PCLO: variants seen among roughly 807,000 people sequenced by gnomAD.
PCLO encodes piccolo presynaptic cytomatrix protein.
PCLO carries 82 observed loss-of-function variants against 427.5 expected under a neutral mutation model. That is an observed-to-expected ratio of 0.19 (90% CI 0.16 to 0.23). The LOEUF (loss-of-function observed/expected upper bound fraction) is 0.23. Among genes scored for constraint, PCLO ranks in the 10% least tolerant of loss-of-function variants. The pLI is 1.00. For synonymous variants in PCLO, 2,357 were observed against 2,155.4 expected (o/e 1.09, Z -2.59); for missense variants, 6,239 against 6,115.9 (o/e 1.02, Z -0.67).
intron 3 of PCLO, among the ~76,000 whole-genome samples, chr7:83,044,274 C>T (rs746514633): frequency 1.2e-4 from 18 of 152,136 alleles, no homozygotes; most frequent in South Asian, 2.1e-4. Flanking sequence ...CCACACATGG[C>T]GATTACAATT....
rs149539060 is a variant in PCLO, at chr7:82,770,103, C to A, written c.15008-8610G>T. Reference sequence around the variant, plus strand: ...TTGATTTTCCTTCCTTTTATTGTTTCTATTCTACCAGTTTCAAGCCTAGGT... The same window carrying A: ...TTGATTTTCCTTCCTTTTATTGTTTATATTCTACCAGTTTCAAGCCTAGGT... On this transcript the variant is annotated intron_variant, in intron 22 of 24. Transcript: ENST00000333891. 4.6e-3 allele frequency among the ~76,000 whole-genome samples: 693 copies of A among 152,098 alleles called. 1 individual carries two copies. Among genetic ancestry groups the A allele is most frequent in the African/African-American group, 0.016 (661 of 41,538 alleles).
intron 7 of PCLO, among the ~76,000 whole-genome samples, chr7:82,910,654 A>G (rs961774338): frequency 3.3e-5 from 5 of 152,180 alleles, no homozygotes; most frequent in African/African-American, 9.6e-5. Context: ...TTAGTCATCA[A>G]CTAGAAAAAG....
chr7:82,955,352 T>C lies in PCLO; in HGVS notation c.5601A>G (p.Pro1867=), dbSNP rs1795485213. The part of the protein sequence containing the change: ...SEYSPSIESD[P]EGFEISPEKI... ...TTTCCGGGCTTATTTCAAAACCTTCTGGGTCTGACTCTATGCTAGGTGAAT... is the reference window on the plus strand; with the variant it reads ...TTTCCGGGCTTATTTCAAAACCTTCCGGGTCTGACTCTATGCTAGGTGAAT... The change falls in exon 5 of 25, where the codon CCA becomes CCG. Residue 1867 remains proline, a synonymous_variant. Transcript: ENST00000333891. The C allele has an allele frequency of 1.2e-6, 2 of 1,613,804 alleles. No individual in the cohort carries two copies. Among genetic ancestry groups the C allele is most frequent in the Non-Finnish European group, 1.7e-6 (2 of 1,179,792 alleles).
intron 3 of PCLO, among the ~76,000 whole-genome samples, chr7:83,013,050 T>A (rs1174121272): frequency 6.6e-6 from 1 of 152,158 alleles, no homozygotes; most frequent in African/African-American, 2.4e-5. Flanking sequence ...GCTCTCAATA[T>A]ACACCTTGCT....
chr7:83,057,463 G>A (rs1418009881), intron 3 of PCLO, among the ~76,000 whole-genome samples: 6 of 139,124 alleles, frequency 4.3e-5, no homozygotes, highest in African/African-American at 1.1e-4. Context: ...CTGGGTTCAC[G>A]CCATTCTCCT....
At chr7:83,120,822 T>G (rs1791258369) in intron 3 of PCLO, among the ~76,000 whole-genome samples, 1 of 152,160 alleles carries the variant, frequency 6.6e-6, no homozygotes, top group Admixed American at 6.5e-5. Context: ...AGACCTGTCT[T>G]ATAAGAAATC....
Position 82,916,090 on chromosome 7 carries a change from T to C in PCLO, c.11896A>G (p.Thr3966Ala). The C allele has an allele frequency of 6.2e-7, 1 of 1,613,580 alleles. No homozygotes were observed. Among genetic ancestry groups the C allele is most frequent in the Non-Finnish European group, 8.5e-7 (1 of 1,179,758 alleles). The change falls in exon 7 of 25, where the codon ACT (threonine) becomes GCT (alanine). Residue 3966 changes from threonine (T) to alanine (A), a missense_variant. By Grantham distance (58) the Thr-to-Ala change is moderately conservative (BLOSUM62 0). Around this residue, in one of 5 missense-constraint regions of PCLO, gnomAD observed 680 missense variants for 677.3 expected, o/e 1.00. Coordinates refer to ENST00000333891, the MANE Select transcript of PCLO (RefSeq NM_033026.6). Reference protein sequence around the residue: ...MMVIQQKPRQTTLYLEPKITS... With the variant: ...MMVIQQKPRQATLYLEPKITS... ...ATCTTGGGCTCCAAATATAATGTAG[T>C]TTGCCGTGGCTTCTGTTGTATCACC...
chr7:82,873,304 C>T (rs975282898), intron 10 of PCLO, among the ~76,000 whole-genome samples: 1 of 151,450 alleles, frequency 6.6e-6, no homozygotes, highest in African/African-American at 2.4e-5. Context: ...ATCCCCCATC[C>T]ACACTCCCGT....
intron 22 of PCLO, among the ~76,000 whole-genome samples, chr7:82,799,725 G>A (rs927087499): frequency 1.3e-5 from 2 of 152,120 alleles, no homozygotes; most frequent in African/African-American, 4.8e-5. Flanking sequence ...CCCCATCCTT[G>A]TCTGTCTCAG....
At position 82,955,567 on chromosome 7, in the gene PCLO, C is replaced by T. The variant is rs1795491580; in HGVS notation, c.5386G>A (p.Glu1796Lys). ...CTAGAACTCTTTCTTTGTTGCTGTTCTATTTCCCTCTGCTTTTCTTGCTCC... is the reference window on the plus strand; with the variant it reads ...CTAGAACTCTTTCTTTGTTGCTGTTTTATTTCCCTCTGCTTTTCTTGCTCC... ...LKEQEKQREI[E>K]QQQRKSSSKK... is the part of the protein sequence containing the mutation. The change falls in exon 5 of 25, where the codon GAA becomes AAA. Residue 1796 changes from glutamate (E) to lysine (K), a missense_variant. By Grantham distance (56) the Glu-to-Lys change is moderately conservative (BLOSUM62 1). Transcript: ENST00000333891. 3.7e-6 allele frequency: 6 copies of T among 1,613,942 alleles called. No homozygotes were observed. The highest frequency in any genetic ancestry group is 5.1e-6 in the Non-Finnish European group (6 of 1,179,858).
intron 3 of PCLO, among the ~76,000 whole-genome samples, chr7:83,029,787 A>C (rs1245096206): frequency 1.5e-5 from 2 of 137,498 alleles, no homozygotes; most frequent in Admixed American, 7.5e-5. Flanking sequence ...AGCCATAAAA[A>C]ATGATGAGTT....
rs528813140 is a variant in PCLO, at chr7:82,797,724, A to G, written c.15007+3794T>C. On this transcript the variant is annotated intron_variant, in intron 22 of 24. Coordinates refer to ENST00000333891, the MANE Select transcript of PCLO (RefSeq NM_033026.6). ...AATTCAATGATTGATTAGTGGAGAT[A>G]GTCTGAAAAAGTATTACTGTTTTAT... Among the ~76,000 whole-genome samples the G allele has an allele frequency of 1.2e-3, 190 of 152,266 alleles. 2 individuals carry two copies. Among genetic ancestry groups the G allele is most frequent in the African/African-American group, 4.1e-3 (172 of 41,580 alleles).
intron 5 of PCLO, 148 bp downstream of exon 5, chr7:82,951,708 A>C: frequency 4.9e-6 from 6 of 1,233,820 alleles, no homozygotes; most frequent in Non-Finnish European, 6.6e-6. Context: ...ACAAAAGCGC[A>C]CTTGTACTCC....
Position 82,805,806 on chromosome 7 carries a change from C to T in PCLO, c.14815G>A (p.Ala4939Thr), listed in dbSNP as rs774538488. 1.9e-6 allele frequency: 3 copies of T among 1,605,282 alleles called. No homozygotes were observed. The highest frequency in any genetic ancestry group is 2.6e-6 in the Non-Finnish European group (3 of 1,175,680). The part of the protein sequence containing the change: ...QPTKPPNHRP[A>T]ESSVSTGSSG... The stretch of plus-strand genomic sequence containing the variant: ...GAGCCGGTGGACACAGAGCTTTCTG[C>T]AGGCCGGTGATTGGGAGGCTTTGCT... The change falls in exon 21 of 25, where the codon GCA becomes ACA. Residue 4939 changes from alanine (A) to threonine (T), a missense_variant. Transcript: ENST00000333891.
chr7:82,947,175 C>G (rs1044004619), intron 6 of PCLO, among the ~76,000 whole-genome samples: 1 of 152,166 alleles, frequency 6.6e-6, no homozygotes, highest in Admixed American at 6.5e-5. Context: ...CTTCATGACT[C>G]AGACCTCTTC....
intron 20 of PCLO, among the ~76,000 whole-genome samples, chr7:82,809,076 A>T (rs1791514432): frequency 6.6e-6 from 1 of 151,938 alleles, no homozygotes; most frequent in African/African-American, 2.4e-5. Flanking sequence ...GAAATAAAAC[A>T]TCAATTCTAT....
At chr7:82,957,917 C>T (rs551546880) in intron 4 of PCLO, among the ~76,000 whole-genome samples, 1 of 152,246 alleles carries the variant, frequency 6.6e-6, no homozygotes, top group African/African-American at 2.4e-5. Flanking sequence ...ATGATGATGC[C>T]ATGACAACAA....
chr7:82,985,056 T>A (rs1298612702), intron 3 of PCLO, among the ~76,000 whole-genome samples: 1 of 151,966 alleles, frequency 6.6e-6, no homozygotes, highest in Non-Finnish European at 1.5e-5. Flanking sequence ...AATAACTGAC[T>A]GAAACTAGTT....
At chr7:82,928,076 TG>T (rs1794755265) in intron 6 of PCLO, among the ~76,000 whole-genome samples, 1 of 152,196 alleles carries the variant, frequency 6.6e-6, no homozygotes, top group Admixed American at 6.5e-5. Context: ...TATTTCTTTG[TG>T]GGTGAGTAGA....
Sources: gnomAD v4.1 joint callset for allele counts (sites outside exome capture counted in the v4.1 genomes callset) on GRCh38, gnomAD v4.1.1 for gene constraint, gnomAD v4.1.1 regional missense constraint, MANE v1.5 for transcripts, NCBI Gene and HGNC (gene_info 2026-07-23, HGNC 2026-07-21) for gene names.